The following FAT3 variants were observed in gnomAD, a reference collection of about 807,000 sequenced individuals.
FAT3 encodes the protein protocadherin Fat 3.
FAT3 carries 95 observed loss-of-function variants against 310.2 expected under a neutral mutation model. The observed-to-expected ratio is 0.31, with a 90% CI of 0.26 to 0.36. The LOEUF (loss-of-function observed/expected upper bound fraction) is 0.36. Among genes scored for constraint, FAT3 ranks in the 10% least tolerant of loss-of-function variants. FAT3 has a pLI of 1.00. For missense variants in FAT3, 5,408 were observed against 5,715.6 expected (o/e 0.95, Z 1.74); for synonymous variants, 2,314 against 2,192.9 (o/e 1.06, Z -1.54).
At chr11:92,571,731 G>A (rs568311032) in intron 3 of FAT3, among the ~76,000 whole-genome samples, 1 of 152,040 alleles carries the variant, frequency 6.6e-6, no homozygotes, top group African/African-American at 2.4e-5. Flanking sequence ...ATCTCCTTTA[G>A]CACTTAGCTC....
intron 1 of FAT3, among the ~76,000 whole-genome samples, chr11:92,336,975 G>A (rs1387608430): frequency 2.0e-5 from 3 of 152,034 alleles, no homozygotes; most frequent in Admixed American, 6.6e-5. Context: ...GTTGCCATCC[G>A]CCAGCCTGTG....
rs548095030 is a variant in FAT3 at position 92,562,111 on chromosome 11, T to C, written c.3607+37163T>C. 9.9e-4 allele frequency among the ~76,000 whole-genome samples: 151 copies of C among 152,328 alleles called. 2 individuals are homozygous for C. Among genetic ancestry groups the C allele is most frequent in the African/African-American group, 3.5e-3 (146 of 41,582 alleles). On this transcript the variant is annotated intron_variant, in intron 3 of 27. Coordinates refer to ENST00000525166, the MANE Select transcript of FAT3 (RefSeq NM_001367949.2). ...CCCACAGGCAGTATTCACTAATCCC[T>C]TTCCTGACTTTCCTTAACTCTGATT...
chr11:92,399,599 G>A (rs1021703370), intron 2 of FAT3, among the ~76,000 whole-genome samples: 1 of 152,132 alleles, frequency 6.6e-6, no homozygotes, highest in Admixed American at 6.5e-5. Context: ...CCACAACTTG[G>A]TTGGTGGGAG....
intron 1 of FAT3, among the ~76,000 whole-genome samples, chr11:92,227,227 T>C (rs1021050337): frequency 6.6e-6 from 1 of 152,182 alleles, no homozygotes; most frequent in Admixed American, 6.5e-5. Flanking sequence ...CTCGGACATA[T>C]TAATTTTCTG....
At chr11:92,359,543 T>TA (rs1343214411) in intron 2 of FAT3, among the ~76,000 whole-genome samples, 1 of 151,400 alleles carries the variant, frequency 6.6e-6, no homozygotes, top group Non-Finnish European at 1.5e-5. Flanking sequence ...GTTAGTTACA[T>TA]ATGTATACAT....
intron 3 of FAT3, among the ~76,000 whole-genome samples, chr11:92,642,651 G>A (rs988634470): frequency 6.6e-6 from 1 of 152,176 alleles, no homozygotes. Flanking sequence ...CTGCCCATTT[G>A]AGGATTGGCT....
intron 3 of FAT3, among the ~76,000 whole-genome samples, chr11:92,557,401 C>A (rs963750345): frequency 1.3e-5 from 2 of 152,066 alleles, no homozygotes; most frequent in African/African-American, 4.8e-5. Flanking sequence ...TTGTTGAATC[C>A]CTTTCCAAGG....
rs143248401 is a variant in FAT3, at chr11:92,715,635, T to C, written c.3669+18190T>C. On this transcript the variant is annotated intron_variant, in intron 4 of 27. Coordinates refer to ENST00000525166, the MANE Select transcript of FAT3 (RefSeq NM_001367949.2). ...TATACCCAAAGTTACCCTAACACAG[T>C]TGAGGATACCAGAATAACACAGGTG... 5.2e-3 allele frequency among the ~76,000 whole-genome samples: 786 copies of C among 151,890 alleles called. 8 individuals are homozygous for C. The highest frequency in any genetic ancestry group is 0.018 in the African/African-American group (737 of 41,402).
At chr11:92,225,951 A>T (rs962200482) in intron 1 of FAT3, among the ~76,000 whole-genome samples, 1 of 117,088 alleles carries the variant, frequency 8.5e-6, no homozygotes, top group African/African-American at 3.2e-5. Context: ...TTTGAAAAGA[A>T]AGCAGCGCGG....
At chr11:92,822,350 G>A (rs1397638195) in intron 13 of FAT3, among the ~76,000 whole-genome samples, 1 of 151,574 alleles carries the variant, frequency 6.6e-6, no homozygotes, top group Non-Finnish European at 1.5e-5. Flanking sequence ...CTGCTAATTT[G>A]GATCAGTCTG....
At chr11:92,662,219 A>G (rs1051768167) in intron 3 of FAT3, among the ~76,000 whole-genome samples, 2 of 152,220 alleles carry the variant, frequency 1.3e-5, no homozygotes, top group Admixed American at 6.5e-5. Flanking sequence ...ATATTATGCC[A>G]GGAGCCATTA....
At chr11:92,516,734 A>G (rs1490805475) in intron 2 of FAT3, among the ~76,000 whole-genome samples, 1 of 152,210 alleles carries the variant, frequency 6.6e-6, no homozygotes, top group Non-Finnish European at 1.5e-5. Flanking sequence ...GTATATTTAG[A>G]AAACCCCGTC....
At chr11:92,630,593 C>T (rs1295351728) in intron 3 of FAT3, among the ~76,000 whole-genome samples, 1 of 152,204 alleles carries the variant, frequency 6.6e-6, no homozygotes, top group East Asian at 1.9e-4. Flanking sequence ...ACGGAGATCC[C>T]ACTGTCAACC....
chr11:92,877,656 C>T (rs941724923), intron 22 of FAT3, among the ~76,000 whole-genome samples: 2 of 152,112 alleles, frequency 1.3e-5, no homozygotes, highest in Admixed American at 6.5e-5. Flanking sequence ...GTTGCTGAGC[C>T]CCATTAATGT....
chr11:92,554,555 A>G (rs1229160136), intron 3 of FAT3, among the ~76,000 whole-genome samples: 2 of 149,260 alleles, frequency 1.3e-5, no homozygotes, highest in Non-Finnish European at 3.0e-5. Context: ...TAGAGGGGAT[A>G]CTGTAGAAGT....
At chr11:92,601,784 C>G (rs1029072454) in intron 3 of FAT3, among the ~76,000 whole-genome samples, 1 of 152,106 alleles carries the variant, frequency 6.6e-6, no homozygotes, top group African/African-American at 2.4e-5. Context: ...TCCTTCTGCA[C>G]CAGAGTTTAG....
At chr11:92,358,745 A>G (rs1948802148) in intron 2 of FAT3, among the ~76,000 whole-genome samples, 1 of 152,128 alleles carries the variant, frequency 6.6e-6, no homozygotes, top group African/African-American at 2.4e-5. Context: ...AGAAGGTGTC[A>G]CCTTGGTGCC....
intron 4 of FAT3, among the ~76,000 whole-genome samples, chr11:92,755,629 C>T (rs1257912172): frequency 1.3e-5 from 2 of 152,146 alleles, no homozygotes; most frequent in African/African-American, 2.4e-5. Flanking sequence ...TATATCAAAA[C>T]GTCATGTTGT....
chr11:92,824,103 T>C (rs986235750), intron 13 of FAT3, among the ~76,000 whole-genome samples: 8 of 152,160 alleles, frequency 5.3e-5, no homozygotes, highest in African/African-American at 1.9e-4. Context: ...ACCCCTGTAA[T>C]CCCAACACTT....
Sources: gnomAD v4.1 joint callset for allele counts (sites outside exome capture counted in the v4.1 genomes callset) on GRCh38, gnomAD v4.1.1 for gene constraint, MANE v1.5 for transcripts, NCBI Gene and HGNC (gene_info 2026-07-23, HGNC 2026-07-21) for gene names.